GPC5: variants seen among roughly 807,000 people sequenced by gnomAD.
The protein encoded by GPC5 is glypican-5.
A neutral mutation model predicts 53.9 loss-of-function variants in GPC5; 47 were observed. The observed-to-expected ratio is 0.87, with a 90% CI of 0.69 to 1.11. The LOEUF (loss-of-function observed/expected upper bound fraction) is 1.11. Ranked by LOEUF, GPC5 falls within the 50% of genes most tolerant of loss-of-function variation. The probability of loss-of-function intolerance (pLI) is 0.00; values close to 1 mark genes in which losing one functional copy is unlikely to be tolerated. For missense variants in GPC5, 748 were observed against 713.1 expected (o/e 1.05, Z -0.56); for synonymous variants, 286 against 263.3 (o/e 1.09, Z -0.84).
intron 7 of GPC5, among the ~76,000 whole-genome samples, chr13:92,535,388 A>G (rs1881691501): frequency 6.6e-6 from 1 of 152,098 alleles, no homozygotes; most frequent in South Asian, 2.1e-4. Flanking sequence ...GGCTTTCATC[A>G]GGCGCCGCAA....
intron 3 of GPC5, among the ~76,000 whole-genome samples, chr13:91,704,025 T>C (rs554960180): frequency 6.6e-6 from 1 of 152,328 alleles, no homozygotes; most frequent in Non-Finnish European, 1.5e-5. Context: ...TAGTTCAAAA[T>C]TAATGTTTCC....
rs575884454 is a variant in GPC5 at position 91,675,089 on chromosome 13, C to T, written c.326-18098C>T. ...CTAAACATCTGAATGGTGAATAATG[C>T]GTTTGTTTACTATCACTCTTTCTTC... On this transcript the variant is annotated intron_variant, in intron 2 of 7. Transcript: ENST00000377067. Among the ~76,000 whole-genome samples, 22 of 150,782 alleles carry T rather than the reference C, an allele frequency of 1.5e-4. No individual in the cohort carries two copies. In the South Asian group the frequency reaches 2.9e-3, roughly 20 times the overall value.
intron 5 of GPC5, among the ~76,000 whole-genome samples, chr13:91,903,128 T>G (rs2039516136): frequency 6.6e-6 from 1 of 151,934 alleles, no homozygotes; most frequent in Non-Finnish European, 1.5e-5. Context: ...ATAGGGTAGC[T>G]CTTGTGGTGA....
At chr13:91,427,494 G>A (rs766266114) in intron 1 of GPC5, among the ~76,000 whole-genome samples, 3 of 152,080 alleles carry the variant, frequency 2.0e-5, no homozygotes, top group African/African-American at 4.8e-5. Flanking sequence ...TCTTTGTTTT[G>A]GCTAATTTCT....
chr13:92,362,075 C>T (rs1031528943), intron 7 of GPC5, among the ~76,000 whole-genome samples: 2 of 151,728 alleles, frequency 1.3e-5, no homozygotes, highest in African/African-American at 2.4e-5. Context: ...CTACTATTAA[C>T]TCTTTAGCTT....
chr13:92,526,112 C>A (rs1881271823), intron 7 of GPC5, among the ~76,000 whole-genome samples: 1 of 152,056 alleles, frequency 6.6e-6, no homozygotes, highest in African/African-American at 2.4e-5. Flanking sequence ...AATATTCATC[C>A]ATTTGTTCTT....
At chr13:92,804,723 A>G (rs1336480013) in intron 7 of GPC5, among the ~76,000 whole-genome samples, 2 of 152,068 alleles carry the variant, frequency 1.3e-5, no homozygotes, top group Non-Finnish European at 2.9e-5. Flanking sequence ...CTTTCACAAA[A>G]TATTTCTCTA....
chr13:91,772,201 G>A (rs867330962), intron 5 of GPC5, among the ~76,000 whole-genome samples: 107 of 152,196 alleles, frequency 7.0e-4, no homozygotes, highest in African/African-American at 2.4e-3. Context: ...CTGTAGTTCC[G>A]TATCAGAACA....
chr13:92,086,085 G>T (rs1488403634), intron 6 of GPC5, among the ~76,000 whole-genome samples: 1 of 152,126 alleles, frequency 6.6e-6, no homozygotes, highest in African/African-American at 2.4e-5. Flanking sequence ...ACACTGTGTG[G>T]CCTTCTGCAT....
chr13:91,447,075 C>T (rs182440100), intron 1 of GPC5, among the ~76,000 whole-genome samples: 303 of 152,304 alleles, frequency 2.0e-3, no homozygotes, highest in Middle Eastern at 0.017. Context: ...GGAAGGATCA[C>T]AACTTGGAGG....
At chr13:91,592,547 A>G (rs1485098829) in intron 2 of GPC5, among the ~76,000 whole-genome samples, 3 of 152,070 alleles carry the variant, frequency 2.0e-5, no homozygotes, top group Non-Finnish European at 2.9e-5. Context: ...ACAGCCCACA[A>G]ACTTGCGCAT....
intron 4 of GPC5, among the ~76,000 whole-genome samples, chr13:91,748,472 T>C (rs1481310756): frequency 1.3e-5 from 2 of 152,224 alleles, no homozygotes; most frequent in East Asian, 3.8e-4. Flanking sequence ...GTAACACATA[T>C]TCCTTGTAGG....
intron 6 of GPC5, among the ~76,000 whole-genome samples, chr13:91,953,960 A>G (rs1654311562): frequency 6.6e-6 from 1 of 152,260 alleles, no homozygotes; most frequent in Non-Finnish European, 1.5e-5. Flanking sequence ...GCAAAGATAT[A>G]AAGAATAACT....
At chr13:92,373,305 G>A (rs1213245915) in intron 7 of GPC5, among the ~76,000 whole-genome samples, 3 of 152,184 alleles carry the variant, frequency 2.0e-5, no homozygotes, top group Non-Finnish European at 4.4e-5. Flanking sequence ...TATTTGTTAT[G>A]CTAATGTGCA....
chr13:92,578,106 A>G (rs1883246670), intron 7 of GPC5, among the ~76,000 whole-genome samples: 1 of 152,114 alleles, frequency 6.6e-6, no homozygotes, highest in African/African-American at 2.4e-5. Context: ...TCCCAATTTC[A>G]CCCTAGCTCC....
At chr13:91,519,610 C>A (rs370745933) in intron 2 of GPC5, among the ~76,000 whole-genome samples, 1 of 152,300 alleles carries the variant, frequency 6.6e-6, no homozygotes, top group East Asian at 1.9e-4. Flanking sequence ...GAGGCCTCCC[C>A]AGCCATGTGG....
intron 6 of GPC5, among the ~76,000 whole-genome samples, chr13:92,067,225 T>C (rs1437285353): frequency 6.6e-6 from 1 of 152,018 alleles, no homozygotes; most frequent in African/African-American, 2.4e-5. Flanking sequence ...TTGTTGAGAG[T>C]GAAATTGCCC....
At chr13:91,793,351 G>T (rs112401688) in intron 5 of GPC5, among the ~76,000 whole-genome samples, 1 of 152,126 alleles carries the variant, frequency 6.6e-6, no homozygotes, top group Non-Finnish European at 1.5e-5. Flanking sequence ...CCCATGACAC[G>T]TGGGGATTAT....
intron 6 of GPC5, among the ~76,000 whole-genome samples, chr13:92,111,373 A>G (rs2041555296): frequency 6.6e-6 from 1 of 152,204 alleles, no homozygotes; most frequent in South Asian, 2.1e-4. Flanking sequence ...GCACAAGTCT[A>G]TCAGCCCATA....
Sources: gnomAD v4.1 joint callset for allele counts (sites outside exome capture counted in the v4.1 genomes callset) on GRCh38, gnomAD v4.1.1 for gene constraint, MANE v1.5 for transcripts, NCBI Gene and HGNC (gene_info 2026-07-23, HGNC 2026-07-21) for gene names.